The following SAMD4A variants were observed in gnomAD, a reference collection of about 807,000 sequenced individuals.
The protein encoded by SAMD4A is sterile alpha motif domain containing 4A.
Under a neutral mutation model 81.3 loss-of-function variants are expected in SAMD4A, and 33 were observed. The ratio of observed to expected loss-of-function variants is 0.41; its 90% CI spans 0.31 to 0.54. The LOEUF (loss-of-function observed/expected upper bound fraction) is 0.54, where lower values mean the gene tolerates loss of function less well. SAMD4A is among the 20% of genes least tolerant of loss of function. The pLI, the probability that SAMD4A is intolerant of heterozygous loss-of-function variation, is 0.37. For missense variants in SAMD4A, 854 were observed against 951.1 expected (o/e 0.90, Z 1.34); for synonymous variants, 389 against 382.1 (o/e 1.02, Z -0.21).
chr14:54,679,783 A>T (rs1055831528), intron 2 of SAMD4A, among the ~76,000 whole-genome samples: 1 of 152,206 alleles, frequency 6.6e-6, no homozygotes, highest in African/African-American at 2.4e-5. Flanking sequence ...ATTGGGAGAC[A>T]ACTCTGAACT....
At chr14:54,762,858 C>CT (rs35747854) in intron 7 of SAMD4A, among the ~76,000 whole-genome samples, 48,770 of 142,202 alleles carry the variant, frequency 0.34, 8,818 homozygotes, top group African/African-American at 0.45. Flanking sequence ...TGAATATTCA[C>CT]TTTTTTTTTT....
chr14:54,566,624 C>T (rs928044314), upstream of SAMD4A, among the ~76,000 whole-genome samples: 1 of 151,716 alleles, frequency 6.6e-6, no homozygotes, highest in Non-Finnish European at 1.5e-5. Context: ...CGCTGCGGAC[C>T]CCGGCCGTCC....
At chr14:54,737,527 A>ACT (rs4026223) in intron 4 of SAMD4A, among the ~76,000 whole-genome samples, 46,836 of 116,104 alleles carry the variant, frequency 0.4, 11,657 homozygotes, top group Non-Finnish European at 0.55. Context: ...AGGTCAACCC[A>ACT]CTCTCTCTCT....
intron 11 of SAMD4A, among the ~76,000 whole-genome samples, chr14:54,778,545 G>C (rs975311466): frequency 1.3e-5 from 2 of 152,184 alleles, no homozygotes; most frequent in South Asian, 2.1e-4. Context: ...CCTTTTAGCA[G>C]TCTGTAGTTA....
rs368513416 is a variant in SAMD4A at position 54,777,873 on chromosome 14, A to ATAAT, written c.2044+1336_2044+1339dup. 1.1e-4 allele frequency among the ~76,000 whole-genome samples: 17 copies of ATAAT among 152,340 alleles called. No individual in the cohort carries two copies. The East Asian group carries it at 3.3e-3, about 29-fold the overall frequency. On this transcript the variant is annotated intron_variant, in intron 11 of 12. Transcript: ENST00000554335. Reference sequence around the variant, plus strand: ...TATTTATGCACCAAAATATAACAATATAATTACACATATTTCTATATGCTT... The same window carrying ATAAT: ...TATTTATGCACCAAAATATAACAATATAATTAATTACACATATTTCTATATGCTT...
chr14:54,617,813 A>G (rs1328527377), intron 2 of SAMD4A, among the ~76,000 whole-genome samples: 2 of 152,176 alleles, frequency 1.3e-5, no homozygotes, highest in Non-Finnish European at 2.9e-5. Flanking sequence ...AACCATGCCT[A>G]GCTTGTGAAT....
In SAMD4A at chr14:54,649,295, T is replaced by C. The variant is rs115597586; in HGVS notation, c.197-52767T>C. 3.3e-3 allele frequency among the ~76,000 whole-genome samples: 504 copies of C among 152,254 alleles called. 5 individuals carry two copies. The highest frequency in any genetic ancestry group is 0.012 in the African/African-American group (488 of 41,546). Reference sequence around the variant, plus strand: ...AGCCAGAAGAGGAAGAGAAGCTAAATGACAAAAGTATTCAAGAGTGAGACA... The same window carrying C: ...AGCCAGAAGAGGAAGAGAAGCTAAACGACAAAAGTATTCAAGAGTGAGACA... On this transcript the variant is annotated intron_variant, in intron 2 of 12. Transcript: ENST00000554335.
intron 2 of SAMD4A, among the ~76,000 whole-genome samples, chr14:54,640,442 T>A (rs976537523): frequency 1.6e-4 from 25 of 152,214 alleles, no homozygotes; most frequent in African/African-American, 5.8e-4. Context: ...TCAGGATTTA[T>A]AGATCTCATT....
chr14:54,685,832 A>T (rs563991694), intron 2 of SAMD4A: 1 of 456,724 alleles, frequency 2.2e-6, no homozygotes, highest in East Asian at 6.9e-5. Context: ...CCGAAGGGTA[A>T]CATCTGGAGA....
chr14:54,666,995 C>T (rs1453559381), intron 2 of SAMD4A, among the ~76,000 whole-genome samples: 1 of 152,062 alleles, frequency 6.6e-6, no homozygotes, highest in Non-Finnish European at 1.5e-5. Context: ...TTTTACTAGT[C>T]CACCAAGAAA....
intron 2 of SAMD4A, among the ~76,000 whole-genome samples, chr14:54,671,144 A>G (rs2035872946): frequency 6.6e-6 from 1 of 152,228 alleles, no homozygotes; most frequent in South Asian, 2.1e-4. Context: ...AAATGGTTAG[A>G]TCGTAAGAGA....
intron 2 of SAMD4A, among the ~76,000 whole-genome samples, chr14:54,608,935 C>G (rs1033475729): frequency 3.3e-5 from 5 of 152,156 alleles, no homozygotes; most frequent in Non-Finnish European, 7.3e-5. Context: ...GTTAAAGTCA[C>G]TTAACAAGAA....
intron 2 of SAMD4A, among the ~76,000 whole-genome samples, chr14:54,604,715 G>A (rs991546055): frequency 2.6e-5 from 4 of 152,106 alleles, no homozygotes; most frequent in Admixed American, 6.5e-5. Flanking sequence ...TTTAAAGTTT[G>A]AGTTTTTATT....
intron 2 of SAMD4A, among the ~76,000 whole-genome samples, chr14:54,636,597 A>T (rs1051773536): frequency 6.6e-6 from 1 of 152,206 alleles, no homozygotes; most frequent in Non-Finnish European, 1.5e-5. Context: ...ATGGCGGCTC[A>T]CACTTGGCTG....
In SAMD4A at chr14:54,702,430, G is replaced by C; in HGVS notation, c.565G>C (p.Gly189Arg). The change falls in exon 3 of 13, where the codon GGG becomes CGG. Residue 189 changes from glycine to arginine, a missense_variant. Coordinates refer to ENST00000554335, the MANE Select transcript of SAMD4A (RefSeq NM_015589.6). Reference sequence around the variant, plus strand: ...ACAGAACTCTGATGACAAGCTCAATGGGTGGCAGAACTCTCGGGATTCTGG... The same window carrying C: ...ACAGAACTCTGATGACAAGCTCAATCGGTGGCAGAACTCTCGGGATTCTGG... ...QRQNSDDKLN[G>R]WQNSRDSGIC... 6.2e-7 allele frequency: 1 copy of C among 1,614,172 alleles called. No individual in the cohort carries two copies. Among genetic ancestry groups the C allele is most frequent in the Non-Finnish European group, 8.5e-7 (1 of 1,180,014 alleles).
chr14:54,573,166 A>C (rs1292215464), intron 2 of SAMD4A, among the ~76,000 whole-genome samples: 1 of 152,220 alleles, frequency 6.6e-6, no homozygotes, highest in Non-Finnish European at 1.5e-5. Flanking sequence ...ATGACCCTGC[A>C]GTTTACTGCT....
At chr14:54,629,902 A>C (rs781234976) in intron 2 of SAMD4A, among the ~76,000 whole-genome samples, 6 of 152,192 alleles carry the variant, frequency 3.9e-5, no homozygotes, top group Non-Finnish European at 5.9e-5. Flanking sequence ...ACTCTTCTAG[A>C]TACCTCATAT....
chr14:54,671,947 G>T (rs2035890111), intron 2 of SAMD4A, among the ~76,000 whole-genome samples: 1 of 151,890 alleles, frequency 6.6e-6, no homozygotes, highest in African/African-American at 2.4e-5. Flanking sequence ...GTGTTAGGGG[G>T]AGATTGGGAG....
At chr14:54,616,356 A>C (rs776842583) in intron 2 of SAMD4A, among the ~76,000 whole-genome samples, 24 of 152,352 alleles carry the variant, frequency 1.6e-4, no homozygotes, top group Middle Eastern at 3.4e-3. Context: ...AAACTTTCAA[A>C]AACAGACACA....
Sources: gnomAD v4.1 joint callset for allele counts (sites outside exome capture counted in the v4.1 genomes callset) on GRCh38, gnomAD v4.1.1 for gene constraint, MANE v1.5 for transcripts, NCBI Gene and HGNC (gene_info 2026-07-23, HGNC 2026-07-21) for gene names.